Variants in LRIG1 observed in about 807,000 individuals in gnomAD.
LRIG1 encodes leucine-rich repeats and immunoglobulin-like domains protein 1.
LRIG1 carries 48 observed loss-of-function variants against 99.2 expected under a neutral mutation model. The ratio of observed to expected loss-of-function variants is 0.48; its 90% CI spans 0.38 to 0.62. The LOEUF (loss-of-function observed/expected upper bound fraction) is 0.62, where lower values mean the gene tolerates loss of function less well. Ranked by LOEUF, LRIG1 falls within the 20% of genes least tolerant of loss-of-function variation. LRIG1 has a pLI of 0.00. For synonymous variants in LRIG1, 772 were observed against 596.1 expected (o/e 1.29, Z -4.30); for missense variants, 1,646 against 1,434.4 (o/e 1.15, Z -2.38).
At chr3:66,458,159 T>C (rs1700272405) in intron 2 of LRIG1, among the ~76,000 whole-genome samples, 1 of 152,136 alleles carries the variant, frequency 6.6e-6, no homozygotes, top group Admixed American at 6.6e-5. Context: ...TCTTGCTCTG[T>C]TGGGTGGAGT....
At chr3:66,438,478 A>G (rs544003062) in intron 3 of LRIG1, among the ~76,000 whole-genome samples, 1 of 152,292 alleles carries the variant, frequency 6.6e-6, no homozygotes, top group East Asian at 1.9e-4. Context: ...GTGAGGGAAC[A>G]GAAGTCACAA....
rs1218122781 is a variant in LRIG1 at position 66,378,903 on chromosome 3, T to C, written c.*1360A>G. 6.6e-6 allele frequency: 1 copy of C among 152,652 alleles called. No homozygotes were observed. Among genetic ancestry groups the C allele is most frequent in the Non-Finnish European group, 1.5e-5 (1 of 68,042 alleles). 9.5% of individuals were successfully genotyped at this position (152,652 alleles called of 1,614,324 possible). ...TACACTGTACCAAAATTTCTATAAA[T>C]AAATAACTTTGTACATAAAAGTAAT... On this transcript the variant is annotated 3_prime_UTR_variant, in exon 19 of 19. Coordinates refer to ENST00000273261, the MANE Select transcript of LRIG1 (RefSeq NM_015541.3).
At chr3:66,481,981 T>C (rs1173743720) in intron 1 of LRIG1, among the ~76,000 whole-genome samples, 1 of 152,248 alleles carries the variant, frequency 6.6e-6, no homozygotes, top group Non-Finnish European at 1.5e-5. Context: ...AAATTTGTTT[T>C]AAAATAATTT....
chr3:66,382,305 C>A lies in LRIG1; in HGVS notation c.2585G>T (p.Gly862Val). 6.2e-7 allele frequency: 1 copy of A among 1,614,142 alleles called. No individual in the cohort carries two copies. Among genetic ancestry groups the A allele is most frequent in the African/African-American group, 1.3e-5 (1 of 75,036 alleles). Reference sequence around the variant, plus strand: ...CTCAATGTGCCCATTGGCCTGAGGGCCACCCTCGGTCCTGACCACGGTTTC... The same window carrying A: ...CTCAATGTGCCCATTGGCCTGAGGGACACCCTCGGTCCTGACCACGGTTTC... ...RQETVVRTEG[G>V]PQANGHIESN... The change falls in exon 16 of 19, where the codon GGC (glycine) becomes GTC (valine). Residue 862 changes from glycine (G) to valine (V), a missense_variant. By Grantham distance (109) the Gly-to-Val change is moderately radical (BLOSUM62 -3). Transcript: ENST00000273261.
chr3:66,384,249 G>A lies in LRIG1; in HGVS notation c.1813C>T (p.Pro605Ser). 6.2e-7 allele frequency: 1 copy of A among 1,611,964 alleles called. No individual in the cohort carries two copies. The highest frequency in any genetic ancestry group is 8.5e-7 in the Non-Finnish European group (1 of 1,178,126). Residue 605 changes from proline (P) to serine (S), a missense_variant, in exon 14 of 19, where the codon CCC becomes TCC. Pro to Ser is a moderately conservative substitution (Grantham distance 74). Coordinates refer to ENST00000273261, the MANE Select transcript of LRIG1 (RefSeq NM_015541.3). ...GTGGTCCGGATGGTTATGTCGTGGG[G>A]CGTTTTGGTGAATGATGGCAACACT... ...VNVLPSFTKTPHDITIRTTTM... is the reference protein window; with the variant it reads ...VNVLPSFTKTSHDITIRTTTM...
At chr3:66,411,252 T>C (rs1702454532) in intron 6 of LRIG1, among the ~76,000 whole-genome samples, 1 of 152,214 alleles carries the variant, frequency 6.6e-6, no homozygotes, top group Non-Finnish European at 1.5e-5. Flanking sequence ...GTGTTCAGTA[T>C]TACAAGGGCT....
At chr3:66,453,329 C>T (rs1703968545) in intron 2 of LRIG1, among the ~76,000 whole-genome samples, 2 of 152,208 alleles carry the variant, frequency 1.3e-5, no homozygotes, top group African/African-American at 4.8e-5. Flanking sequence ...GTGCCAGGCA[C>T]AGCTCTAAGA....
chr3:66,441,703 AC>A (rs1703546425), intron 3 of LRIG1, among the ~76,000 whole-genome samples: 1 of 152,160 alleles, frequency 6.6e-6, no homozygotes, highest in African/African-American at 2.4e-5. Flanking sequence ...GGGCCACAAT[AC>A]CAAGGCTTCC....
chr3:66,438,077 TGGG>T (rs947423505), intron 3 of LRIG1, among the ~76,000 whole-genome samples: 3 of 151,692 alleles, frequency 2.0e-5, no homozygotes, highest in Admixed American at 6.6e-5. Context: ...TGGTGTGGAG[TGGG>T]GAGGGATGAG....
rs115716799 is a variant in LRIG1, at chr3:66,384,307, G to A, written c.1790-35C>T. The A allele has an allele frequency of 1.4e-3, 2,210 of 1,586,924 alleles. 25 individuals carry two copies. In the African/African-American group the frequency reaches 0.027, roughly 19 times the overall value. ...ATACGTATACAGGGTCGGGTTACGGGACAGCTAGATGCAAAACCAGGAAGT... is the reference window on the plus strand; with the variant it reads ...ATACGTATACAGGGTCGGGTTACGGAACAGCTAGATGCAAAACCAGGAAGT... On this transcript the variant is annotated intron_variant, in intron 13 of 18. Transcript: ENST00000273261.
intron 2 of LRIG1, among the ~76,000 whole-genome samples, chr3:66,456,433 A>C (rs1210271719): frequency 6.6e-6 from 1 of 151,982 alleles, no homozygotes; most frequent in Non-Finnish European, 1.5e-5. Context: ...ATTAGCCAGG[A>C]GTGGTTGTGC....
chr3:66,445,317 T>G (rs995133147), intron 3 of LRIG1, among the ~76,000 whole-genome samples: 1 of 152,056 alleles, frequency 6.6e-6, no homozygotes, highest in African/African-American at 2.4e-5. Context: ...CCAAACGGAC[T>G]GGCCATCCTT....
At chr3:66,431,346 G>C (rs1284886312) in intron 3 of LRIG1, among the ~76,000 whole-genome samples, 2 of 152,212 alleles carry the variant, frequency 1.3e-5, no homozygotes, top group Non-Finnish European at 2.9e-5. Flanking sequence ...AAGGTGAGAT[G>C]GCAACGATCA....
chr3:66,421,929 C>G (rs1440595631), intron 3 of LRIG1, among the ~76,000 whole-genome samples: 2 of 152,252 alleles, frequency 1.3e-5, no homozygotes, highest in East Asian at 1.9e-4. Context: ...CTTCTGCATA[C>G]CTGCAGGCTC....
At chr3:66,450,876 G>C (rs1703884497) in intron 3 of LRIG1, among the ~76,000 whole-genome samples, 1 of 152,170 alleles carries the variant, frequency 6.6e-6, no homozygotes, top group African/African-American at 2.4e-5. Context: ...AAAGTCTTCT[G>C]GGTGAGTTTA....
intron 3 of LRIG1, among the ~76,000 whole-genome samples, chr3:66,431,591 G>A (rs1007167395): frequency 6.6e-6 from 1 of 152,196 alleles, no homozygotes; most frequent in African/African-American, 2.4e-5. Flanking sequence ...GTTCCACAGG[G>A]ACTGGTCAGC....
chr3:66,386,132 G>A lies in LRIG1; in HGVS notation c.1638C>T (p.Val546=). The part of the protein sequence containing the change: ...VLTNADMENF[V]HVHAQDGEVM... ...CTTCCCCGTCCTGCGCGTGGACGTG[G>A]ACAAAGTTCTCCATGTCTGCATTGG... is the stretch of plus-strand genomic sequence containing the variant. Residue 546 remains valine (V), a synonymous_variant, in exon 13 of 19, where the codon GTC becomes GTT. Transcript: ENST00000273261. 1.9e-6 allele frequency: 3 copies of A among 1,614,150 alleles called. 1 individual carries two copies. The highest frequency in any genetic ancestry group is 1.7e-6 in the Non-Finnish European group (2 of 1,180,030).
rs115606372 is a variant in LRIG1, at chr3:66,406,638, G to T, written c.1079+710C>A. On this transcript the variant is annotated intron_variant, in intron 8 of 18. Coordinates refer to ENST00000273261, the MANE Select transcript of LRIG1 (RefSeq NM_015541.3). ...CTGAAACCTGCATGCCCCTCTCTGG[G>T]GGTTTTATGCTGACAGCTGCTTGGA... 7.8e-3 allele frequency among the ~76,000 whole-genome samples: 1,181 copies of T among 152,260 alleles called. 12 individuals carry two copies. The highest frequency in any genetic ancestry group is 0.027 in the African/African-American group (1,126 of 41,544).
At chr3:66,465,357 ATTTTTT>A (rs59148647) in intron 1 of LRIG1, among the ~76,000 whole-genome samples, 14 of 67,724 alleles carry the variant, frequency 2.1e-4, no homozygotes, top group Admixed American at 3.8e-4. Flanking sequence ...TCTGAGCATA[ATTTTTT>A]TTTTTTTTTT....
Sources: gnomAD v4.1 joint callset for allele counts (sites outside exome capture counted in the v4.1 genomes callset) on GRCh38, gnomAD v4.1.1 for gene constraint, MANE v1.5 for transcripts, NCBI Gene and HGNC (gene_info 2026-07-23, HGNC 2026-07-21) for gene names.